Variants in THSD7A observed in about 807,000 individuals in gnomAD.
THSD7A encodes the protein thrombospondin type 1 domain containing 7A, also known as thrombospondin type-1 domain-containing protein 7A.
A neutral mutation model predicts 231.3 loss-of-function variants in THSD7A; 96 were observed. The observed-to-expected ratio is 0.41, with a 90% CI of 0.35 to 0.49. The LOEUF is 0.49. Among genes scored for constraint, THSD7A ranks in the 20% least tolerant of loss-of-function variants. The pLI is 0.05. For missense variants in THSD7A, 2,290 were observed against 2,070.2 expected, an observed-to-expected ratio of 1.11 and a Z score of -2.06; for synonymous variants, 940 against 743.3, an observed-to-expected ratio of 1.26 and a Z score of -4.30.
intron 1 of THSD7A, among the ~76,000 whole-genome samples, chr7:11,812,429 TTA>T (rs1209183800): frequency 2.0e-5 from 3 of 152,186 alleles, no homozygotes; most frequent in African/African-American, 4.8e-5. Flanking sequence ...GGGAATATAC[TTA>T]TATTTAATTA....
At chr7:11,623,800 G>C (rs927893232) in intron 2 of THSD7A, among the ~76,000 whole-genome samples, 12 of 152,114 alleles carry the variant, frequency 7.9e-5, no homozygotes, top group African/African-American at 2.9e-4. Flanking sequence ...TATCATGAAA[G>C]GTTAGAACAA....
chr7:11,700,874 A>C (rs1584233197), intron 1 of THSD7A, among the ~76,000 whole-genome samples: 1 of 151,326 alleles, frequency 6.6e-6, no homozygotes, highest in Non-Finnish European at 1.5e-5. Context: ...AAAATTGTTA[A>C]TTTTAAAGAA....
At chr7:11,456,140 C>T (rs1002257418) in intron 11 of THSD7A, among the ~76,000 whole-genome samples, 4 of 151,918 alleles carry the variant, frequency 2.6e-5, no homozygotes, top group African/African-American at 9.7e-5. Flanking sequence ...CTGAATGGCA[C>T]ATATTATATG....
chr7:11,822,970 G>T (rs1784917850), intron 1 of THSD7A, among the ~76,000 whole-genome samples: 3 of 151,948 alleles, frequency 2.0e-5, no homozygotes. Flanking sequence ...AGTTTCATTT[G>T]TCTACTTTAG....
At chr7:11,513,347 T>G (rs1787896890) in intron 6 of THSD7A, among the ~76,000 whole-genome samples, 1 of 63,948 alleles carries the variant, frequency 1.6e-5, no homozygotes, top group Non-Finnish European at 3.3e-5. Context: ...AATAGCAAAC[T>G]TTTCAAGAAT....
chr7:11,776,915 A>G (rs918177795), intron 1 of THSD7A, among the ~76,000 whole-genome samples: 11 of 152,186 alleles, frequency 7.2e-5, no homozygotes, highest in African/African-American at 2.7e-4. Flanking sequence ...GGAAACTGCT[A>G]TTAGCTTTTG....
intron 1 of THSD7A, among the ~76,000 whole-genome samples, chr7:11,726,807 A>C (rs781473586): frequency 6.6e-6 from 1 of 152,022 alleles, no homozygotes; most frequent in Non-Finnish European, 1.5e-5. Context: ...AGAAAATAGC[A>C]CTGACTTGGG....
At chr7:11,620,698 T>C (rs1562775373) in intron 2 of THSD7A, among the ~76,000 whole-genome samples, 1 of 152,140 alleles carries the variant, frequency 6.6e-6, no homozygotes, top group Non-Finnish European at 1.5e-5. Flanking sequence ...GTTAACAAAA[T>C]CCTACACATG....
chr7:11,583,272 CTA>C (rs1425907733), intron 4 of THSD7A, among the ~76,000 whole-genome samples: 3 of 151,820 alleles, frequency 2.0e-5, no homozygotes, highest in Admixed American at 6.6e-5. Context: ...TTTATGGTCT[CTA>C]TGTGATTTTT....
intron 1 of THSD7A, among the ~76,000 whole-genome samples, chr7:11,763,274 T>G (rs1359800684): frequency 6.6e-6 from 1 of 152,190 alleles, no homozygotes; most frequent in Non-Finnish European, 1.5e-5. Flanking sequence ...ATGCCTTCTG[T>G]CATCTCTGTC....
Position 11,460,459 on chromosome 7 carries a change from G to T in THSD7A, c.2605+203C>A, listed in dbSNP as rs547814396. On this transcript the variant is annotated intron_variant, in intron 11 of 27. Coordinates refer to ENST00000423059, the MANE Select transcript of THSD7A (RefSeq NM_015204.3). ...AGACATAAATGAGAGAAAAATTCAA[G>T]AATTATGAGCTAATGCCAAAGAACA... Among the ~76,000 whole-genome samples, 19 of 152,184 alleles carry T rather than the reference G, an allele frequency of 1.2e-4. 1 individual carries two copies. The South Asian group carries it at 3.9e-3, about 32-fold the overall frequency.
At chr7:11,437,144 C>T (rs1023990789) in intron 13 of THSD7A, among the ~76,000 whole-genome samples, 23 of 152,198 alleles carry the variant, frequency 1.5e-4, no homozygotes, top group African/African-American at 4.8e-4. Context: ...GCCTGAGGGG[C>T]TCTGGGAAAC....
At chr7:11,702,492 C>T (rs1450350933) in intron 1 of THSD7A, among the ~76,000 whole-genome samples, 2 of 151,168 alleles carry the variant, frequency 1.3e-5, no homozygotes, top group Admixed American at 6.6e-5. Flanking sequence ...TTCTGATATC[C>T]TTTTCTGCCA....
chr7:11,532,404 A>C (rs1202370927), intron 6 of THSD7A, among the ~76,000 whole-genome samples: 1 of 152,196 alleles, frequency 6.6e-6, no homozygotes, highest in Non-Finnish European at 1.5e-5. Context: ...AATCTAAAAC[A>C]AGTAGAATTG....
intron 1 of THSD7A, among the ~76,000 whole-genome samples, chr7:11,663,498 T>C (rs1173346468): frequency 6.6e-6 from 1 of 151,508 alleles, no homozygotes; most frequent in Non-Finnish European, 1.5e-5. Flanking sequence ...ACTTCAAAAA[T>C]ATTCCAGAAC....
intron 1 of THSD7A, among the ~76,000 whole-genome samples, chr7:11,661,728 A>G (rs1782938657): frequency 6.6e-6 from 1 of 151,304 alleles, no homozygotes; most frequent in African/African-American, 2.4e-5. Context: ...AAAATGTCCA[A>G]GAAGATGGTA....
chr7:11,395,522 C>A (rs1375446336), intron 23 of THSD7A, among the ~76,000 whole-genome samples: 1 of 140,420 alleles, frequency 7.1e-6, no homozygotes. Context: ...AATATGCATT[C>A]TTTTTTTTTT....
At chr7:11,514,568 G>A (rs1365451247) in intron 6 of THSD7A, among the ~76,000 whole-genome samples, 1 of 152,080 alleles carries the variant, frequency 6.6e-6, no homozygotes, top group Non-Finnish European at 1.5e-5. Context: ...TCAATTTTAT[G>A]AGTAAATTTC....
chr7:11,657,965 T>C (rs1005516102), intron 1 of THSD7A, among the ~76,000 whole-genome samples: 3 of 151,710 alleles, frequency 2.0e-5, no homozygotes, highest in Non-Finnish European at 4.4e-5. Flanking sequence ...ACCTGAGCTA[T>C]GGAGGTCAAG....
Sources: allele counts gnomAD v4.1 joint callset (sites outside exome capture counted in the v4.1 genomes callset), GRCh38; gene constraint gnomAD v4.1.1; transcripts MANE v1.5; gene names NCBI Gene and HGNC (gene_info 2026-07-23, HGNC 2026-07-21).